Variants in NCAPG2 observed in about 807,000 individuals in gnomAD.
The protein encoded by NCAPG2 is non-SMC condensin II complex subunit G2.
Under a neutral mutation model 141.1 loss-of-function variants are expected in NCAPG2, and 53 were observed. The observed-to-expected ratio is 0.38, with a 90% CI of 0.30 to 0.47. NCAPG2 has a LOEUF of 0.47. NCAPG2 is among the 20% of genes least tolerant of loss of function. The pLI is 0.99. For synonymous variants in NCAPG2, 499 were observed against 490.7 expected (o/e 1.02, Z -0.22); for missense variants, 1,087 against 1,389.0 (o/e 0.78, Z 3.46).
chr7:158,655,747 G>GCCCCGTC (rs1554554702), intron 19 of NCAPG2, among the ~76,000 whole-genome samples: 1 of 147,946 alleles, frequency 6.8e-6, no homozygotes. Flanking sequence ...CATCTGCCTG[G>GCCCCGTC]CTCCACTCTG....
intron 24 of NCAPG2, among the ~76,000 whole-genome samples, chr7:158,648,567 C>CCAAATGGACTACAACCACGG (rs1831215492): frequency 1.1e-5 from 1 of 91,168 alleles, no homozygotes; most frequent in East Asian, 5.8e-4. Context: ...GACAACCACG[C>CCAAATGGACTACAACCACGG]CAAATGGACG....
chr7:158,666,685 A>G (rs1482044927), intron 13 of NCAPG2, among the ~76,000 whole-genome samples: 1 of 151,912 alleles, frequency 6.6e-6, no homozygotes, highest in Non-Finnish European at 1.5e-5. Context: ...CCAGCAACTC[A>G]GGAGACCAAG....
intron 11 of NCAPG2, among the ~76,000 whole-genome samples, chr7:158,678,109 T>TAA (rs10549623): frequency 2.7e-5 from 4 of 148,322 alleles, no homozygotes; most frequent in Non-Finnish European, 4.5e-5. Flanking sequence ...TTTTTTATTT[T>TAA]AAAAAAAAAA....
At position 158,633,301 on chromosome 7, in the gene NCAPG2, C is replaced by CA. The variant is rs11371025; in HGVS notation, c.3381-1585dup. ...ATTGACCTTTCTGGAATTTGACTAT[C>CA]ACAGGAACCATCTCTGTAGTGTGTC... is the stretch of plus-strand genomic sequence containing the variant. On this transcript the variant is annotated intron_variant, in intron 27 of 27. Coordinates refer to ENST00000356309, the MANE Select transcript of NCAPG2 (RefSeq NM_017760.7). The surrounding 1 kb of genome is among the most constrained non-coding windows in gnomAD (Gnocchi z 4.1). 0.74 allele frequency among the ~76,000 whole-genome samples: 112,709 copies of CA among 152,048 alleles called. 42,095 individuals carry two copies. The highest frequency in any genetic ancestry group is 0.97 in the East Asian group (5,002 of 5,176).
chr7:158,686,138 AAAT>A (rs1834740623), intron 8 of NCAPG2, 31 bp downstream of exon 8: 2 of 1,279,060 alleles, frequency 1.6e-6, no homozygotes, highest in African/African-American at 3.1e-5. Context: ...AATATAATAA[AAAT>A]AAGTGTTAAC....
chr7:158,704,532 G>C (rs1836044067), intron 1 of NCAPG2, among the ~76,000 whole-genome samples, 192 bp downstream of exon 1: 1 of 152,292 alleles, frequency 6.6e-6, no homozygotes, highest in South Asian at 2.1e-4. Context: ...AGCTGGGTAG[G>C]GGGGATGGCC....
chr7:158,658,391 G>C lies in NCAPG2; in HGVS notation c.2007C>G (p.Ile669Met). ...LKVFKDDRCK[I>M]PLFMLMSFMP... is the part of the protein sequence containing the mutation. ...TAAAGGACATTAGCATGAATAAAGGGATCTTGCAGCGATCATCCTAAAAGC... is the reference window on the plus strand; with the variant it reads ...TAAAGGACATTAGCATGAATAAAGGCATCTTGCAGCGATCATCCTAAAAGC... The change falls in exon 17 of 28, where the codon ATC becomes ATG. Residue 669 changes from isoleucine (I) to methionine (M), a missense_variant. Coordinates refer to ENST00000356309, the MANE Select transcript of NCAPG2 (RefSeq NM_017760.7). The C allele has an allele frequency of 1.9e-6, 3 of 1,611,406 alleles. No individual in the cohort carries two copies. Among genetic ancestry groups the C allele is most frequent in the Non-Finnish European group, 2.5e-6 (3 of 1,178,542 alleles).
In NCAPG2 at chr7:158,637,092, C is replaced by T. The variant is rs574296625; in HGVS notation, c.3381-5375G>A. On this transcript the variant is annotated intron_variant, in intron 27 of 27. Coordinates refer to ENST00000356309, the MANE Select transcript of NCAPG2 (RefSeq NM_017760.7). ...CCTCCCGAGCAGCTGGGACTACAGG[C>T]GCCCGCCACCATGCCCGGCTAATTT... Among the ~76,000 whole-genome samples, 55 of 152,112 alleles carry T rather than the reference C, an allele frequency of 3.6e-4. 1 individual carries two copies. In the Middle Eastern group the frequency reaches 0.01, roughly 28 times the overall value.
At chr7:158,659,996 C>CA (rs1832349830) in intron 16 of NCAPG2, among the ~76,000 whole-genome samples, 2 of 151,858 alleles carry the variant, frequency 1.3e-5, no homozygotes, top group African/African-American at 4.8e-5. Flanking sequence ...CCTGTAGTCC[C>CA]AGCTACTCGG....
chr7:158,646,469 T>A lies in NCAPG2; in HGVS notation c.3170A>T (p.Asn1057Ile), dbSNP rs746775295. 6.3e-7 allele frequency: 1 copy of A among 1,599,150 alleles called. No individual in the cohort carries two copies. Among genetic ancestry groups the A allele is most frequent in the East Asian group, 2.3e-5 (1 of 44,132 alleles). Residue 1057 changes from asparagine (N) to isoleucine (I), a missense_variant, in exon 25 of 28, where the codon AAT becomes ATT. Transcript: ENST00000356309. ...AAGAGAAAGTGATTACCTGACCACATTCGAAGACTTTATTATTATTCCTAT... is the reference window on the plus strand; with the variant it reads ...AAGAGAAAGTGATTACCTGACCACAATCGAAGACTTTATTATTATTCCTAT... ...CLIGIIIKSS[N>I]VVRSFLDELK... is the part of the protein sequence containing the mutation.
At chr7:158,634,034 A>G (rs12533904) in intron 27 of NCAPG2, among the ~76,000 whole-genome samples, 88,543 of 151,960 alleles carry the variant, frequency 0.58, 26,098 homozygotes, top group Non-Finnish European at 0.6. Context: ...CAGACACCAT[A>G]CCTGGCCTAA....
At chr7:158,659,877 C>T (rs1587143915) in intron 16 of NCAPG2, among the ~76,000 whole-genome samples, 2 of 152,004 alleles carry the variant, frequency 1.3e-5, no homozygotes, top group South Asian at 4.2e-4. Context: ...TTTGGGAGGC[C>T]GAGGCAGGCG....
Position 158,656,651 on chromosome 7 carries a change from G to C in NCAPG2, c.2115C>G (p.Ser705Arg). The change falls in exon 18 of 28, where the codon AGC becomes AGG. Residue 705 changes from serine to arginine, a missense_variant. Transcript: ENST00000356309. The part of the protein sequence containing the change: ...RSREEGAVDK[S>R]YCTLLDCLCS... ...AGAGGCAATCCAACAAAGTGCAGTA[G>C]CTCTTGTCCACAGCGCCCTCCTCCC... The C allele has an allele frequency of 3.7e-6, 6 of 1,614,120 alleles. No homozygotes were observed. Among genetic ancestry groups the C allele is most frequent in the Non-Finnish European group, 5.1e-6 (6 of 1,180,034 alleles).
rs567954850 is a variant in NCAPG2, at chr7:158,646,073, G to C, written c.3179+387C>G. 9.9e-5 allele frequency among the ~76,000 whole-genome samples: 15 copies of C among 152,282 alleles called. No individual in the cohort carries two copies. In the South Asian group the frequency reaches 3.1e-3, roughly 32 times the overall value. On this transcript the variant is annotated intron_variant, in intron 25 of 27. Transcript: ENST00000356309. ...TTCTGATCAAGTGACATATGGACTGGAAAATGAGTAGCAGCTGCGTATTCA... is the reference window on the plus strand; with the variant it reads ...TTCTGATCAAGTGACATATGGACTGCAAAATGAGTAGCAGCTGCGTATTCA...
chr7:158,684,851 C>A (rs909868165), intron 8 of NCAPG2, among the ~76,000 whole-genome samples: 1 of 152,224 alleles, frequency 6.6e-6, no homozygotes, highest in African/African-American at 2.4e-5. Flanking sequence ...CCACGCCCAG[C>A]CTATTTTTTA....
chr7:158,652,094 TC>T (rs1831534217), intron 23 of NCAPG2, among the ~76,000 whole-genome samples, 198 bp downstream of exon 23: 1 of 152,078 alleles, frequency 6.6e-6, no homozygotes, highest in Admixed American at 6.6e-5. Context: ...GGTCACCATC[TC>T]CCTCTCAGTG....
intron 12 of NCAPG2, among the ~76,000 whole-genome samples, chr7:158,671,931 C>A (rs146464582): frequency 9.6e-4 from 146 of 152,274 alleles, no homozygotes; most frequent in African/African-American, 3.4e-3. Context: ...TAAAAGAAAT[C>A]TTTAATGCTC....
intron 16 of NCAPG2, among the ~76,000 whole-genome samples, chr7:158,659,673 G>C (rs1400610953): frequency 2.0e-5 from 3 of 152,086 alleles, no homozygotes; most frequent in Non-Finnish European, 4.4e-5. Context: ...TGAGGACATG[G>C]TGAATCCTAA....
intron 23 of NCAPG2, 148 bp downstream of exon 23, chr7:158,652,145 T>G: frequency 1.3e-6 from 1 of 767,208 alleles, no homozygotes; most frequent in Non-Finnish European, 2.1e-6. Flanking sequence ...TCCATCTCTC[T>G]CAGTGCACCT....
Sources: allele counts gnomAD v4.1 joint callset (sites outside exome capture counted in the v4.1 genomes callset), GRCh38; gene constraint gnomAD v4.1.1; non-coding constraint Gnocchi (gnomAD v3.1); transcripts MANE v1.5; gene names NCBI Gene and HGNC (gene_info 2026-07-23, HGNC 2026-07-21).